The following CAST variants were observed in gnomAD, a reference collection of about 807,000 sequenced individuals.
CAST encodes calpastatin.
CAST carries 76 observed loss-of-function variants against 119.6 expected under a neutral mutation model. The observed-to-expected ratio is 0.64, with a 90% CI of 0.53 to 0.77. The LOEUF is 0.77. Ranked by LOEUF, CAST falls within the 30% of genes least tolerant of loss-of-function variation. The probability of loss-of-function intolerance (pLI) is 0.00; values close to 1 mark genes in which losing one functional copy is unlikely to be tolerated. For synonymous variants in CAST, 319 were observed against 331.6 expected (o/e 0.96, Z 0.41); for missense variants, 953 against 946.5 (o/e 1.01, Z -0.09).
At chr5:96,126,858 C>A in the CAST span, among the ~76,000 whole-genome samples, 1 of 151,980 alleles carries the variant, frequency 6.6e-6, no homozygotes, top group Admixed American at 6.6e-5. Context: ...AAAATTATGA[C>A]CTTAGAAATT....
chr5:96,677,476 T>G (rs1269109754), intron 2 of CAST, among the ~76,000 whole-genome samples: 1 of 152,242 alleles, frequency 6.6e-6, no homozygotes, highest in African/African-American at 2.4e-5. Context: ...ATAAAAGGTT[T>G]AGAAAGGAAA....
intron 1 of CAST, among the ~76,000 whole-genome samples, chr5:96,573,783 C>G (rs1015797907): frequency 2.2e-4 from 33 of 152,320 alleles, no homozygotes; most frequent in African/African-American, 7.7e-4. Context: ...CTCAGACAAT[C>G]CAACTTTCTC....
At chr5:95,962,869 T>G in the CAST span, among the ~76,000 whole-genome samples, 2 of 152,294 alleles carry the variant, frequency 1.3e-5, no homozygotes, top group South Asian at 4.2e-4. Flanking sequence ...GGTTTAAAGG[T>G]AAGAGGCTGT....
chr5:96,200,842 C>T, the CAST span, among the ~76,000 whole-genome samples: 1 of 152,094 alleles, frequency 6.6e-6, no homozygotes, highest in Non-Finnish European at 1.5e-5. Flanking sequence ...CACCCTTAGC[C>T]TAATAAATGT....
At chr5:96,764,350 A>G (rs181979767) in intron 25 of CAST, among the ~76,000 whole-genome samples, 1 of 152,346 alleles carries the variant, frequency 6.6e-6, no homozygotes, top group African/African-American at 2.4e-5. Flanking sequence ...AAGGGGTTAA[A>G]TAAGCTGCCT....
the CAST span, among the ~76,000 whole-genome samples, chr5:96,122,356 G>A: frequency 4.5e-4 from 68 of 152,240 alleles, no homozygotes; most frequent in Non-Finnish European, 8.4e-4. Flanking sequence ...TTCTGAGCAA[G>A]TTTTGAAATG....
At position 96,534,690 on chromosome 5, in the gene CAST, GGA is replaced by G. The variant is rs1175326524; in HGVS notation, c.60+4811_60+4812del. ...TCAAAGAAAGAAAGAGAGAGAGAGAGGAAGGAAGGAAGGAAGGAAGGAAGGAG... is the reference window on the plus strand; with the variant it reads ...TCAAAGAAAGAAAGAGAGAGAGAGAGAGGAAGGAAGGAAGGAAGGAAGGAG... On this transcript the variant is annotated intron_variant, in intron 1 of 11. Transcript: ENST00000505143. Among the ~76,000 whole-genome samples, 29 of 66,256 alleles carry G rather than the reference GGA, an allele frequency of 4.4e-4. 1 individual carries two copies. Among genetic ancestry groups the G allele is most frequent in the African/African-American group, 1.7e-3 (29 of 17,342 alleles). The allele number at this position is 66,256 out of a possible 152,430, so 43.5% of individuals were successfully genotyped here. A position where few individuals can be genotyped will look rare whatever the true frequency, so the allele number is the denominator to read the frequency against.
At chr5:96,108,220 A>T in the CAST span, among the ~76,000 whole-genome samples, 1 of 152,208 alleles carries the variant, frequency 6.6e-6, no homozygotes, top group Admixed American at 6.5e-5. Flanking sequence ...TTCTTCTCTC[A>T]GCTCGTCAAA....
intron 1 of CAST, among the ~76,000 whole-genome samples, chr5:96,618,537 C>T (rs1014577685): frequency 6.6e-6 from 1 of 152,242 alleles, no homozygotes; most frequent in Non-Finnish European, 1.5e-5. Context: ...GGAACCGGGG[C>T]TGCGCATGGC....
At chr5:96,575,585 T>C (rs550731622) in intron 1 of CAST, among the ~76,000 whole-genome samples, 1 of 152,278 alleles carries the variant, frequency 6.6e-6, no homozygotes, top group African/African-American at 2.4e-5. Flanking sequence ...CTATACTAAC[T>C]GGAAATTTTT....
At chr5:96,648,843 G>C (rs761416474) in intron 1 of CAST, among the ~76,000 whole-genome samples, 2 of 151,948 alleles carry the variant, frequency 1.3e-5, no homozygotes, top group Non-Finnish European at 2.9e-5. Flanking sequence ...GCTCTGAGAC[G>C]CCTACTCAGT....
chr5:96,758,004 A>C (rs1454169408), intron 24 of CAST, among the ~76,000 whole-genome samples: 1 of 152,062 alleles, frequency 6.6e-6, no homozygotes, highest in Non-Finnish European at 1.5e-5. Context: ...CTTTAGTTTT[A>C]GAGTGGCAGA....
the CAST span, among the ~76,000 whole-genome samples, chr5:96,021,692 C>T: frequency 6.6e-6 from 1 of 152,120 alleles, no homozygotes; most frequent in Admixed American, 6.5e-5. Flanking sequence ...GTAATCCTCC[C>T]TCCTTGGCCT....
At chr5:96,149,377 T>A in the CAST span, among the ~76,000 whole-genome samples, 2 of 152,200 alleles carry the variant, frequency 1.3e-5, no homozygotes, top group African/African-American at 4.8e-5. Flanking sequence ...TAGCAGCTCT[T>A]GTTATCCATC....
At chr5:96,244,241 T>C in the CAST span, among the ~76,000 whole-genome samples, 12 of 152,216 alleles carry the variant, frequency 7.9e-5, no homozygotes, top group African/African-American at 2.7e-4. Context: ...TTTCTATTTA[T>C]TGAGATCCAA....
chr5:96,019,428 G>A, the CAST span, among the ~76,000 whole-genome samples: 1 of 152,120 alleles, frequency 6.6e-6, no homozygotes, highest in Non-Finnish European at 1.5e-5. Context: ...CTGTATTATA[G>A]CCATTGGACT....
At chr5:96,563,206 A>G (rs1259296130) in intron 1 of CAST, among the ~76,000 whole-genome samples, 1 of 152,164 alleles carries the variant, frequency 6.6e-6, no homozygotes, top group Non-Finnish European at 1.5e-5. Flanking sequence ...AAACTCCCAT[A>G]AAAAATAGTT....
chr5:96,600,463 C>CA (rs886271453), intron 1 of CAST, among the ~76,000 whole-genome samples: 4 of 151,870 alleles, frequency 2.6e-5, no homozygotes, highest in African/African-American at 4.8e-5. Context: ...AATTCATAGA[C>CA]AAAAAATCAT....
In CAST at chr5:96,752,622, A is replaced by G. The variant is rs150059973; in HGVS notation, c.1525-1438A>G. Among the ~76,000 whole-genome samples, 261 of 121,822 alleles carry G rather than the reference A, an allele frequency of 2.1e-3. 2 individuals are homozygous for G. The highest frequency in any genetic ancestry group is 8.0e-3 in the African/African-American group (252 of 31,444). The allele number at this position is 121,822 out of a possible 152,430, so 79.9% of individuals were successfully genotyped here. ...TAGCTCTTGGGAATAAAACCCATGC[A>G]GTATTCAGCCACTAGGTGGTGCTAA... On this transcript the variant is annotated intron_variant, in intron 20 of 31. Transcript: ENST00000675179.
Sources: allele counts gnomAD v4.1 joint callset (sites outside exome capture counted in the v4.1 genomes callset), GRCh38; gene constraint gnomAD v4.1.1; transcripts MANE v1.5; gene names NCBI Gene and HGNC (gene_info 2026-07-23, HGNC 2026-07-21).